The following TFDP1 variants were observed in gnomAD, a reference collection of about 807,000 sequenced individuals.
TFDP1 encodes the protein DRTF1-polypeptide 1.
A neutral mutation model predicts 48.0 loss-of-function variants in TFDP1; 6 were observed. The observed-to-expected ratio is 0.13, with a 90% confidence interval of 0.07 to 0.25. The LOEUF is 0.25. Ranked by LOEUF, TFDP1 falls within the 10% of genes least tolerant of loss-of-function variation. The pLI is 1.00. For missense variants in TFDP1, 335 were observed against 543.0 expected (o/e 0.62, Z 3.81); for synonymous variants, 201 against 211.6 (o/e 0.95, Z 0.44).
At chr13:113,626,112 G>A (rs1289832644) in intron 4 of TFDP1, among the ~76,000 whole-genome samples, 8 of 142,158 alleles carry the variant, frequency 5.6e-5, no homozygotes, top group African/African-American at 1.2e-4. Flanking sequence ...TGTCTCTCAC[G>A]TGTCCTCAGG....
intron 8 of TFDP1, among the ~76,000 whole-genome samples, chr13:113,635,113 A>T (rs376685736): frequency 4.1e-4 from 63 of 152,340 alleles, no homozygotes; most frequent in African/African-American, 1.5e-3. Flanking sequence ...GGGTCTTGAC[A>T]GTGCTGATCA....
chr13:113,629,757 TTGTAAGTCAGTTCCTC>T lies in TFDP1; in HGVS notation c.187-1865_187-1850del, dbSNP rs1361327692. Among the ~76,000 whole-genome samples, 418 of 145,924 alleles carry T rather than the reference TTGTAAGTCAGTTCCTC, an allele frequency of 2.9e-3. 3 individuals carry two copies. The highest frequency in any genetic ancestry group is 0.011 in the African/African-American group (397 of 35,496). On this transcript the variant is annotated intron_variant, in intron 4 of 11. Transcript: ENST00000375370. ...CGGGATGTTCCTTGTAAGTTCCTCG[TTGTAAGTCAGTTCCTC>T]GTTGTAAGTCCACTCTTTGTGAGTA...
intron 5 of TFDP1, 93 bp downstream of exon 5, chr13:113,631,837 C>T (rs1594526636): frequency 5.3e-6 from 8 of 1,520,608 alleles, no homozygotes; most frequent in African/African-American, 1.4e-5. Flanking sequence ...CACAGTCGTG[C>T]GATGGGGCTC....
intron 7 of TFDP1, 130 bp downstream of exon 7, chr13:113,634,163 G>A: frequency 7.7e-7 from 1 of 1,298,882 alleles, no homozygotes; most frequent in Non-Finnish European, 1.1e-6. Context: ...AGACGGTCAT[G>A]CAGACGTCTC....
rs2049621787 is a variant in TFDP1 at position 113,640,729 on chromosome 13, G to A, written c.*462G>A. 1 of 188,700 alleles carries A rather than the reference G, an allele frequency of 5.3e-6. No homozygotes were observed. The highest frequency in any genetic ancestry group is 6.4e-5 in the Admixed American group (1 of 15,528). 11.7% of individuals were successfully genotyped at this position (188,700 alleles called of 1,614,324 possible). ...TGTGGAGTTTGTTCAGTGGTACGGT[G>A]TCCAAGCAAACAGCAGAATGCAACT... On this transcript the variant is annotated 3_prime_UTR_variant, in exon 12 of 12. Transcript: ENST00000375370.
intron 2 of TFDP1, among the ~76,000 whole-genome samples, chr13:113,606,923 A>G (rs1263117136): frequency 6.6e-6 from 1 of 152,176 alleles, no homozygotes; most frequent in East Asian, 1.9e-4. Flanking sequence ...CCTGTCTTAC[A>G]GCCTCATGTT....
At position 113,636,145 on chromosome 13, in the gene TFDP1, G is replaced by A. The variant is rs775485360; in HGVS notation, c.839+17G>A. 1.2e-6 allele frequency: 2 copies of A among 1,613,448 alleles called. No homozygotes were observed. On this transcript the variant is annotated intron_variant, in intron 9 of 11. Coordinates refer to ENST00000375370, the MANE Select transcript of TFDP1 (RefSeq NM_007111.5). ...CAATGACAAGTAGGTTGTGGGCGGG[G>A]AGCTGTTCCCTGGTCACCCATCTCT...
intron 3 of TFDP1, among the ~76,000 whole-genome samples, chr13:113,619,265 G>A (rs1269183488): frequency 1.3e-5 from 2 of 152,120 alleles, no homozygotes; most frequent in Non-Finnish European, 2.9e-5. Flanking sequence ...CAGAGGTCAG[G>A]CGTTCAAGAC....
At chr13:113,585,596 G>A in intron 1 of TFDP1, 178 bp from the exon 2 acceptor site, 1 of 425,400 alleles carries the variant, frequency 2.4e-6, no homozygotes, top group Non-Finnish European at 4.3e-6. Context: ...TTTCCGTCTG[G>A]CGAGGCGACT....
In TFDP1 at chr13:113,623,908, A is replaced by G. The variant is rs187759839; in HGVS notation, c.186+622A>G. On this transcript the variant is annotated intron_variant, in intron 4 of 11. Coordinates refer to ENST00000375370, the MANE Select transcript of TFDP1 (RefSeq NM_007111.5). This position sits in a 1 kb window ranked among gnomAD's most constrained non-coding sequence, Gnocchi z 5.2. ...TCTGCGTCCTTGCCGGTGGCAGCCT[A>G]CTGGAGACAGGGAGCCCACACAGAA... 9.9e-5 allele frequency among the ~76,000 whole-genome samples: 15 copies of G among 152,158 alleles called. No homozygotes were observed. The highest frequency in any genetic ancestry group is 2.4e-4 in the African/African-American group (10 of 41,510).
intron 2 of TFDP1, among the ~76,000 whole-genome samples, chr13:113,588,195 G>A (rs1409847783): frequency 6.6e-6 from 1 of 152,246 alleles, no homozygotes; most frequent in Non-Finnish European, 1.5e-5. Flanking sequence ...TAAAACCACA[G>A]GTGTATGTCA....
intron 4 of TFDP1, among the ~76,000 whole-genome samples, chr13:113,625,092 C>T (rs1300015275): frequency 4.3e-5 from 5 of 116,872 alleles, no homozygotes; most frequent in South Asian, 6.2e-4. Flanking sequence ...GTGTCTCTCA[C>T]GTGTCCTCAG....
At chr13:113,625,306 G>C (rs1232335840) in intron 4 of TFDP1, among the ~76,000 whole-genome samples, 14 of 106,632 alleles carry the variant, frequency 1.3e-4, no homozygotes, top group African/African-American at 6.1e-4. Flanking sequence ...TGTCTCTCAC[G>C]TGTCCTCACG....
Position 113,640,174 on chromosome 13 carries a change from G to C in TFDP1, c.1140G>C (p.Gln380His). 6.2e-7 allele frequency: 1 copy of C among 1,613,588 alleles called. No individual in the cohort carries two copies. The highest frequency in any genetic ancestry group is 8.5e-7 in the Non-Finnish European group (1 of 1,179,856). ...GMLATSSNGS[Q>H]YSGSRVETPV... ...TGGCCACAAGCTCCAATGGGTCTCA[G>C]TACAGCGGCTCCAGGGTGGAGACTC... Residue 380 changes from glutamine (Q) to histidine (H), a missense_variant, in exon 12 of 12, where the codon CAG (glutamine) becomes CAC (histidine). Physicochemically the swap from Gln to His is conservative, Grantham distance 24 (BLOSUM62 0). Transcript: ENST00000375370.
At chr13:113,625,715 C>T (rs1594508585) in intron 4 of TFDP1, among the ~76,000 whole-genome samples, 1 of 57,574 alleles carries the variant, frequency 1.7e-5, no homozygotes, top group Non-Finnish European at 3.0e-5. Context: ...GCGTCTCTCA[C>T]ATGTCTTCAG....
chr13:113,622,863 A>G (rs1306760491), intron 3 of TFDP1, among the ~76,000 whole-genome samples: 2 of 152,282 alleles, frequency 1.3e-5, no homozygotes, highest in East Asian at 3.8e-4. Context: ...TAATTGTCAT[A>G]GAATCACAGA....
chr13:113,615,602 C>G (rs1223447667), intron 3 of TFDP1, among the ~76,000 whole-genome samples: 1 of 152,178 alleles, frequency 6.6e-6, no homozygotes, highest in East Asian at 1.9e-4. Flanking sequence ...AGAATCTGCC[C>G]ACACTGTTCC....
At chr13:113,586,784 C>T (rs116302837) in intron 2 of TFDP1, among the ~76,000 whole-genome samples, 327 of 152,350 alleles carry the variant, frequency 2.1e-3, no homozygotes, top group African/African-American at 7.7e-3. Flanking sequence ...CACGGCATCC[C>T]TGCCTTCAAG....
At chr13:113,618,826 G>A (rs780752823) in intron 3 of TFDP1, among the ~76,000 whole-genome samples, 3 of 152,238 alleles carry the variant, frequency 2.0e-5, no homozygotes, top group Non-Finnish European at 2.9e-5. Context: ...TCAGCCTGAC[G>A]GCTCTATGTA....
Sources: gnomAD v4.1 joint callset for allele counts (sites outside exome capture counted in the v4.1 genomes callset) on GRCh38, gnomAD v4.1.1 for gene constraint, Gnocchi (gnomAD v3.1) non-coding constraint, MANE v1.5 for transcripts, NCBI Gene and HGNC (gene_info 2026-07-23, HGNC 2026-07-21) for gene names.